SARS2: variants seen among roughly 807,000 people sequenced by gnomAD.
The protein encoded by SARS2 is seryl-tRNA synthetase 2, mitochondrial, also known as serine--tRNA ligase, mitochondrial.
In SARS2, 52 loss-of-function variants were observed where a neutral mutation model predicts 66.8. The ratio of observed to expected loss-of-function variants is 0.78; its 90% CI spans 0.62 to 0.98. The LOEUF is 0.98. Among genes scored for constraint, SARS2 ranks in the 50% least tolerant of loss-of-function variants. The pLI, the probability that SARS2 is intolerant of heterozygous loss-of-function variation, is 0.00. For synonymous variants in SARS2, 306 were observed against 281.4 expected (o/e 1.09, Z -0.87); for missense variants, 673 against 706.3 (o/e 0.95, Z 0.53).
chr19:38,929,420 G>GT (rs1166106777), intron 1 of SARS2, among the ~76,000 whole-genome samples: 1 of 151,960 alleles, frequency 6.6e-6, no homozygotes, highest in East Asian at 1.9e-4. Flanking sequence ...GCCGGGCGTG[G>GT]TGGTGTCTGC....
At chr19:38,927,388 G>C (rs1228863875) in intron 1 of SARS2, among the ~76,000 whole-genome samples, 1 of 151,978 alleles carries the variant, frequency 6.6e-6, no homozygotes, top group Non-Finnish European at 1.5e-5. Flanking sequence ...GGGCAACATG[G>C]AGAAACCCTG....
chr19:38,917,463 G>A (rs1310080697), intron 12 of SARS2, among the ~76,000 whole-genome samples: 1 of 152,220 alleles, frequency 6.6e-6, no homozygotes, highest in South Asian at 2.1e-4. Flanking sequence ...GAGAGAGGGG[G>A]AGCAGCAGGA....
At position 38,926,304 on chromosome 19, in the gene SARS2, G is replaced by T; in HGVS notation, c.268-4C>A. 6.2e-7 allele frequency: 1 copy of T among 1,602,950 alleles called. No individual in the cohort carries two copies. ...TCAGCTCCTGCCATGTCGAGATCTG[G>T]GGTGGATATAAGAGAAAAGGAGATG... is the stretch of plus-strand genomic sequence containing the variant. On this transcript the variant is annotated splice_polypyrimidine_tract_variant and splice_region_variant and intron_variant, in intron 1 of 15. Transcript: ENST00000221431.
intron 3 of SARS2, 78 bp downstream of exon 3, chr19:38,922,160 A>G (rs1312815025): frequency 1.2e-6 from 2 of 1,600,626 alleles, no homozygotes; most frequent in Non-Finnish European, 1.7e-6. Flanking sequence ...TTTCTGTTAC[A>G]ATAGTAGAAT....
rs755006378 is a variant in SARS2, at chr19:38,918,086, G to T, written c.962+8C>A. ...GTGGGGTCAAGGTCTAAGGAAACCA[G>T]GTGTCACCTGACTGGCAGGTCCCTG... On this transcript the variant is annotated splice_region_variant and intron_variant, in intron 10 of 15. Coordinates refer to ENST00000221431, the MANE Select transcript of SARS2 (RefSeq NM_017827.4). 6.2e-7 allele frequency: 1 copy of T among 1,606,566 alleles called. No individual in the cohort carries two copies. The highest frequency in any genetic ancestry group is 1.7e-5 in the Admixed American group (1 of 58,704).
intron 8 of SARS2, 36 bp downstream of exon 8, chr19:38,918,730 C>T: frequency 6.4e-7 from 1 of 1,553,586 alleles, no homozygotes; most frequent in Non-Finnish European, 8.7e-7. Flanking sequence ...GGCCTGACAC[C>T]CAGGTGGGCG....
intron 1 of SARS2, chr19:38,928,158 C>G (rs548479136): frequency 1.3e-5 from 2 of 151,638 alleles, no homozygotes; most frequent in African/African-American, 4.8e-5. Context: ...GCCAGTGGAT[C>G]ATTTGAAGTT....
At chr19:38,920,978 CAA>C (rs1260008683) in intron 5 of SARS2, among the ~76,000 whole-genome samples, 3 of 149,614 alleles carry the variant, frequency 2.0e-5, no homozygotes, top group Non-Finnish European at 3.0e-5. Flanking sequence ...CAGACACACA[CAA>C]ACACAGACAC....
chr19:38,916,349 C>A (rs757855183), intron 12 of SARS2, 35 bp from the exon 13 acceptor site: 5 of 1,576,838 alleles, frequency 3.2e-6, no homozygotes, highest in Middle Eastern at 1.7e-4. Context: ...GGAAGGTCAG[C>A]GGGTGAGAGG....
Position 38,918,796 on chromosome 19 carries a change from C to A in SARS2, c.777G>T (p.Thr259=). 6.4e-7 allele frequency: 1 copy of A among 1,561,732 alleles called. No homozygotes were observed. The highest frequency in any genetic ancestry group is 2.3e-5 in the East Asian group (1 of 42,606). The change falls in exon 8 of 16, where the codon ACG becomes ACT. Residue 259 remains threonine (T), a synonymous_variant. Coordinates refer to ENST00000221431, the MANE Select transcript of SARS2 (RefSeq NM_017827.4). ...CTGCTCCGCGGAGAAGGTCTGGCACCGTCATGGGGGTGAAGCCCTGTTCAG... is the reference window on the plus strand; with the variant it reads ...CTGCTCCGCGGAGAAGGTCTGGCACAGTCATGGGGGTGAAGCCCTGTTCAG... ...KLLRRGFTPM[T]VPDLLRGAVF...
Position 38,921,405 on chromosome 19 carries a change from G to T in SARS2, c.576C>A (p.Val192=), listed in dbSNP as rs150249937. 4 of 1,613,420 alleles carry T rather than the reference G, an allele frequency of 2.5e-6. No individual in the cohort carries two copies. The African/African-American group carries it at 4.0e-5, about 16-fold the overall frequency. ...GGTGTGGCCCACCTGGCTTGTCTCC[G>T]ACCATGTGGAGCACTCGAGCCTGGC... ...DESQARVLHM[V]GDKPVFSFQP... is the part of the protein sequence containing the mutation. Residue 192 remains valine (V), a synonymous_variant, in exon 5 of 16, where the codon GTC becomes GTA. Transcript: ENST00000221431.
At position 38,927,420 on chromosome 19, in the gene SARS2, C is replaced by A. The variant is rs1974646608; in HGVS notation, c.268-1120G>T. Among the ~76,000 whole-genome samples the A allele has an allele frequency of 2.0e-5, 3 of 150,954 alleles. No individual in the cohort carries two copies. The South Asian group carries it at 6.3e-4, about 32-fold the overall frequency. On this transcript the variant is annotated intron_variant, in intron 1 of 15. Coordinates refer to ENST00000221431, the MANE Select transcript of SARS2 (RefSeq NM_017827.4). ...CCTGTCTCTACAAAAATTAGCTGGG[C>A]ATGGTGGCACATGCTTGTAATCCCA...
At chr19:38,921,730 C>A in intron 3 of SARS2, 63 bp from the exon 4 acceptor site, 1 of 1,598,174 alleles carries the variant, frequency 6.3e-7, no homozygotes, top group South Asian at 1.1e-5. Flanking sequence ...CCAGTGTGAC[C>A]TTGATCCTGA....
Position 38,930,536 on chromosome 19 carries a change from T to A in SARS2, c.201A>T (p.Pro67=), listed in dbSNP as rs551059571. The change falls in exon 1 of 16, where the codon CCA becomes CCT. Residue 67 remains proline (P), a synonymous_variant. Coordinates refer to ENST00000221431, the MANE Select transcript of SARS2 (RefSeq NM_017827.4). ...QLDIERFCAC[P]EEAAHALELR... ...GCTCCAGGGCGTGTGCGGCCTCTTC[T>A]GGGCATGCGCAGAACCGCTCTATGT... The A allele has an allele frequency of 1.2e-6, 2 of 1,613,560 alleles. No individual in the cohort carries two copies. Among genetic ancestry groups the A allele is most frequent in the African/African-American group, 2.7e-5 (2 of 75,056 alleles).
intron 1 of SARS2, 100 bp from the exon 2 acceptor site, chr19:38,926,400 A>C: frequency 9.2e-7 from 1 of 1,082,802 alleles, no homozygotes; most frequent in Non-Finnish European, 1.4e-6. Context: ...AGTGAGGCAG[A>C]GATCCCTACC....
rs532230226 is a variant in SARS2 at position 38,930,442 on chromosome 19, G to GC, written c.267+27dup. 369 of 1,577,430 alleles carry GC rather than the reference G, an allele frequency of 2.3e-4. 2 individuals carry two copies. The highest frequency in any genetic ancestry group is 1.5e-3 in the South Asian group (133 of 89,604). On this transcript the variant is annotated intron_variant, in intron 1 of 15. Transcript: ENST00000221431. ...ATTCTTCCGTAAAGCAAACGTCTGC[G>GC]CCCCCCGGCCGGCGCAGGCGCACTC...
In SARS2 at chr19:38,930,733, C is replaced by G. The variant is rs1414090062; in HGVS notation, c.4G>C (p.Ala2Pro). 1 of 1,612,934 alleles carries G rather than the reference C, an allele frequency of 6.2e-7. No individual in the cohort carries two copies. The highest frequency in any genetic ancestry group is 1.7e-5 in the Admixed American group (1 of 60,010). Reference protein sequence around the residue: MAASMARRLWPL... With the variant: MPASMARRLWPL... ...CACAAGCGCCGCGCCATGGACGCAG[C>G]CATCTTGGACCGGGAACAAGGCGGC... Residue 2 changes from alanine to proline, a missense_variant, in exon 1 of 16, where the codon GCT becomes CCT. Transcript: ENST00000221431.
intron 7 of SARS2, 21 bp from the exon 8 acceptor site, chr19:38,918,834 G>A (rs1024250306): frequency 1.3e-6 from 2 of 1,555,984 alleles, no homozygotes; most frequent in South Asian, 2.4e-5. Context: ...GAGAGGATGA[G>A]TGAGCAGAGC....
Position 38,926,220 on chromosome 19 carries a change from T to G in SARS2, c.348A>C (p.Ala116=), listed in dbSNP as rs1369989011. Residue 116 remains alanine, a synonymous_variant, in exon 2 of 16, where the codon GCA becomes GCC. Transcript: ENST00000221431. ...CCATGCTCACCAGCAGGGCCCGCAC[T>G]GCCTCAGTCACAGCTGCCTTCTCTT... The part of the protein sequence containing the change: ...LEEEKAAVTE[A]VRALLANQDS... 1 of 1,606,392 alleles carries G rather than the reference T, an allele frequency of 6.2e-7. No homozygotes were observed. Among genetic ancestry groups the G allele is most frequent in the African/African-American group, 1.3e-5 (1 of 74,930 alleles).
Sources: allele counts gnomAD v4.1 joint callset (sites outside exome capture counted in the v4.1 genomes callset), GRCh38; gene constraint gnomAD v4.1.1; transcripts MANE v1.5; gene names NCBI Gene and HGNC (gene_info 2026-07-23, HGNC 2026-07-21).